ANKAR: variants seen among roughly 807,000 people sequenced by gnomAD.
The protein encoded by ANKAR is ankyrin and armadillo repeat containing.
A neutral mutation model predicts 146.2 loss-of-function variants in ANKAR; 136 were observed. The ratio of observed to expected loss-of-function variants is 0.93; its 90% CI spans 0.81 to 1.07. The LOEUF is 1.07. ANKAR is among the 50% of genes least tolerant of loss of function. The pLI, the probability that ANKAR is intolerant of heterozygous loss-of-function variation, is 0.00. For missense variants in ANKAR, 1,567 were observed against 1,679.9 expected, an observed-to-expected ratio of 0.93 and a Z score of 1.18; for synonymous variants, 500 against 575.8, an observed-to-expected ratio of 0.87 and a Z score of 1.88.
At chr2:189,759,068 C>T (rs2046546447) in intron 18 of ANKAR, among the ~76,000 whole-genome samples, 2 of 152,182 alleles carry the variant, frequency 1.3e-5, no homozygotes, top group Admixed American at 1.3e-4. Context: ...TAGGTCTAGA[C>T]ATCATGTCTC....
intron 7 of ANKAR, among the ~76,000 whole-genome samples, chr2:189,703,898 A>T (rs889261693): frequency 6.6e-6 from 1 of 152,182 alleles, no homozygotes; most frequent in African/African-American, 2.4e-5. Context: ...CTTTAGTGAG[A>T]ATTCACTCAC....
At chr2:189,684,588 C>T (rs2035241452) in intron 2 of ANKAR, among the ~76,000 whole-genome samples, 1 of 152,058 alleles carries the variant, frequency 6.6e-6, no homozygotes, top group Admixed American at 6.5e-5. Context: ...GGCACAGTGG[C>T]TCACACTTGT....
At chr2:189,688,087 A>G (rs917357919) in intron 2 of ANKAR, among the ~76,000 whole-genome samples, 2 of 152,080 alleles carry the variant, frequency 1.3e-5, no homozygotes, top group Non-Finnish European at 2.9e-5. Context: ...GTAGTTTCGT[A>G]GTTTGAGGTC....
chr2:189,740,494 TCAAA>T (rs1043009894), intron 19 of ANKAR, among the ~76,000 whole-genome samples: 27 of 152,352 alleles, frequency 1.8e-4, no homozygotes, highest in Middle Eastern at 6.8e-3. Flanking sequence ...ATTTTTATCT[TCAAA>T]CAAATATAAA....
chr2:189,754,121 T>C, intron 18 of ANKAR: 1 of 1,612,344 alleles, frequency 6.2e-7, no homozygotes, highest in South Asian at 1.1e-5. Flanking sequence ...TCTGTTCAAC[T>C]TTACTAATTA....
At chr2:189,762,855 C>G (rs1223484440), downstream of ANKAR, 1 of 985,298 alleles carries the variant, frequency 1.0e-6, no homozygotes, top group Non-Finnish European at 1.2e-6. Context: ...GAGCGGCATG[C>G]TTAGTGAAGA....
chr2:189,718,211 G>C (rs1239560332), intron 10 of ANKAR, among the ~76,000 whole-genome samples: 2 of 152,186 alleles, frequency 1.3e-5, no homozygotes, highest in African/African-American at 4.8e-5. Flanking sequence ...CCAGCACTTT[G>C]GGAGGCCAAG....
At position 189,674,699 on chromosome 2, in the gene ANKAR, C is replaced by T. The variant is rs1009630012; in HGVS notation, c.-167C>T. ...CCTTCCGGTGCGCCTCCCGCTCGCC[C>T]TTGCGGAGGCCCTGAGGGCGGATTC... On this transcript the variant is annotated 5_prime_UTR_variant, in exon 1 of 23. Transcript: ENST00000684021. 3 of 152,316 alleles carry T rather than the reference C, an allele frequency of 2.0e-5. No homozygotes were observed. Among genetic ancestry groups the T allele is most frequent in the Admixed American group, 6.5e-5 (1 of 15,290 alleles). 9.4% of individuals were successfully genotyped at this position (152,316 alleles called of 1,614,324 possible).
chr2:189,761,260 G>A (rs933574890), downstream of ANKAR: 2 of 652,546 alleles, frequency 3.1e-6, no homozygotes, highest in Admixed American at 3.9e-5. Context: ...ACCCTTAAAA[G>A]CCAGGATGAA....
intron 16 of ANKAR, among the ~76,000 whole-genome samples, chr2:189,730,834 G>A (rs2042334776): frequency 6.6e-6 from 1 of 152,006 alleles, no homozygotes; most frequent in African/African-American, 2.4e-5. Context: ...TTAAAATAGG[G>A]TTTCTTCAAA....
In ANKAR at chr2:189,676,641, C is replaced by A. The variant is rs1439741079; in HGVS notation, c.151C>A (p.Leu51Ile). 1.6e-5 allele frequency: 26 copies of A among 1,613,986 alleles called. No homozygotes were observed. Among genetic ancestry groups the A allele is most frequent in the Non-Finnish European group, 2.2e-5 (26 of 1,179,924 alleles). ...SEIQELLTTA[L>I]VSWLSAKEDV... Reference sequence around the variant, plus strand: ...AATACAAGAGTTACTAACTACTGCACTAGTTAGCTGGTTGTCTGCCAAAGA... The same window carrying A: ...AATACAAGAGTTACTAACTACTGCAATAGTTAGCTGGTTGTCTGCCAAAGA... The change falls in exon 2 of 23, where the codon CTA becomes ATA. Residue 51 changes from leucine (L) to isoleucine (I), a missense_variant. By Grantham distance (5) the Leu-to-Ile change is conservative. Transcript: ENST00000684021.
intron 10 of ANKAR, among the ~76,000 whole-genome samples, chr2:189,715,822 A>G (rs2040389935): frequency 6.6e-6 from 1 of 152,244 alleles, no homozygotes; most frequent in Non-Finnish European, 1.5e-5. Flanking sequence ...ACATAAACAG[A>G]ACCAACGACA....
chr2:189,677,167 T>C, intron 2 of ANKAR, 76 bp downstream of exon 2: 1 of 1,386,028 alleles, frequency 7.2e-7, no homozygotes, highest in Non-Finnish European at 9.4e-7. Flanking sequence ...CCCAGGGTGG[T>C]CACGAACCCC....
At chr2:189,710,601 A>G (rs2039555065) in intron 9 of ANKAR, among the ~76,000 whole-genome samples, 3 of 152,150 alleles carry the variant, frequency 2.0e-5, no homozygotes, top group African/African-American at 7.2e-5. Flanking sequence ...AGAGTTTGAG[A>G]CCAGCCTGGG....
At chr2:189,745,027 C>CTACTAATAATAATAATAATAATAATAA (rs376824673) in intron 22 of ANKAR, among the ~76,000 whole-genome samples, 13 of 131,094 alleles carry the variant, frequency 9.9e-5, no homozygotes, top group East Asian at 4.5e-4. Context: ...ACTACTACTA[C>CTACTAATAATAATAATAATAATAATAA]TAATAATACA....
At chr2:189,727,764 A>T in intron 12 of ANKAR, 92 bp from the exon 13 acceptor site, 3 of 1,412,956 alleles carry the variant, frequency 2.1e-6, no homozygotes, top group Middle Eastern at 2.0e-4. Context: ...TATAAATTTG[A>T]TTTTATAATA....
At chr2:189,680,706 G>A (rs1250219417) in intron 2 of ANKAR, among the ~76,000 whole-genome samples, 3 of 152,152 alleles carry the variant, frequency 2.0e-5, no homozygotes, top group South Asian at 2.1e-4. Flanking sequence ...TCATTCTGGA[G>A]CAGATTATTT....
chr2:189,755,183 A>G (rs767446072), intron 18 of ANKAR: 1 of 1,603,636 alleles, frequency 6.2e-7, no homozygotes, highest in Admixed American at 1.8e-5. Context: ...CTTGTCAAGC[A>G]TGTCACCTGG....
chr2:189,693,119 G>T lies in ANKAR; in HGVS notation c.1249G>T (p.Glu417Ter), dbSNP rs927000107. ...AGATTGTGCTGCTAATACATTTATA[G>T]AAGATTCAGGATATAAAGAATATTA... The part of the protein sequence containing the change: ...IRDCAANTFI[E>*]DSGYKEYYSI... The change falls in exon 5 of 23, where the codon GAA becomes TAA. Residue 417 changes from glutamate to a stop codon, truncating the protein, a stop_gained. Coordinates refer to ENST00000684021, the MANE Select transcript of ANKAR (RefSeq NM_001378068.1). LOFTEE classifies it high-confidence loss of function. 1 of 1,558,370 alleles carries T rather than the reference G, an allele frequency of 6.4e-7. No homozygotes were observed. Among genetic ancestry groups the T allele is most frequent in the African/African-American group, 1.4e-5 (1 of 71,994 alleles).
Sources: allele counts gnomAD v4.1 joint callset (sites outside exome capture counted in the v4.1 genomes callset), GRCh38; gene constraint gnomAD v4.1.1; transcripts MANE v1.5; gene names NCBI Gene and HGNC (gene_info 2026-07-23, HGNC 2026-07-21).